ZFP90: variants seen among roughly 807,000 people sequenced by gnomAD.
ZFP90 encodes the protein zinc finger protein 90 homolog.
A neutral mutation model predicts 60.8 loss-of-function variants in ZFP90; 38 were observed. The observed-to-expected ratio is 0.62, with a 90% CI of 0.48 to 0.82. The LOEUF (loss-of-function observed/expected upper bound fraction) is 0.82, where lower values mean the gene tolerates loss of function less well. Among genes scored for constraint, ZFP90 ranks in the 40% least tolerant of loss-of-function variants. The probability of loss-of-function intolerance (pLI) is 0.00; values close to 1 mark genes in which losing one functional copy is unlikely to be tolerated. For synonymous variants in ZFP90, 287 were observed against 264.8 expected (o/e 1.08, Z -0.82); for missense variants, 711 against 759.1 (o/e 0.94, Z 0.74).
chr16:68,534,617 T>A (rs894445850), upstream of ZFP90, among the ~76,000 whole-genome samples: 1 of 151,776 alleles, frequency 6.6e-6, no homozygotes, highest in Non-Finnish European at 1.5e-5. Context: ...TAAAATAAAT[T>A]TTTGACAGCC....
chr16:68,552,493 A>G (rs2091278945), intron 2 of ZFP90, among the ~76,000 whole-genome samples: 1 of 152,142 alleles, frequency 6.6e-6, no homozygotes, highest in Non-Finnish European at 1.5e-5. Flanking sequence ...GCCCCAGAGG[A>G]GAGAACTTGA....
At position 68,564,595 on chromosome 16, in the gene ZFP90, A is replaced by T; in HGVS notation, c.1808A>T (p.His603Leu). The change falls in exon 5 of 5, where the codon CAT becomes CTT. Residue 603 changes from histidine (H) to leucine (L), a missense_variant. By Grantham distance (99) the His-to-Leu change is moderately conservative. This residue lies in a region of ZFP90 where 295 missense variants were observed against 274.0 expected (regional missense o/e 1.08). Coordinates refer to ENST00000563169, the MANE Select transcript of ZFP90 (RefSeq NM_001305203.2). ...AACCTGCATGATCATCAGAGAATTC[A>T]TACTGGAGAAAAACCCTATTCTTGT... is the stretch of plus-strand genomic sequence containing the variant. ...KTNLHDHQRI[H>L]TGEKPYSCKE... 1 of 1,614,144 alleles carries T rather than the reference A, an allele frequency of 6.2e-7. No homozygotes were observed.
upstream of ZFP90, among the ~76,000 whole-genome samples, chr16:68,538,330 C>G (rs1291999055): frequency 6.6e-6 from 1 of 152,174 alleles, no homozygotes; most frequent in Non-Finnish European, 1.5e-5. Flanking sequence ...AGAAATCAAG[C>G]TGAAATCTAG....
In ZFP90 at chr16:68,566,662, A is replaced by T. The variant is rs1281231366; in HGVS notation, c.*1964A>T. 1.0e-6 allele frequency: 1 copy of T among 985,460 alleles called. No homozygotes were observed. Among genetic ancestry groups the T allele is most frequent in the African/African-American group, 1.7e-5 (1 of 57,218 alleles). 61.0% of individuals were successfully genotyped at this position (985,460 alleles called of 1,614,324 possible). A position where few individuals can be genotyped will look rare whatever the true frequency, so the allele number is the denominator to read the frequency against. On this transcript the variant is annotated 3_prime_UTR_variant, in exon 5 of 5. Coordinates refer to ENST00000563169, the MANE Select transcript of ZFP90 (RefSeq NM_001305203.2). ...ATGGTGCACCATGATTAGCTCACAC[A>T]CAATGCCAAGGCTGTGCTTCTATTA...
At chr16:68,539,728 G>A in intron 1 of ZFP90, 30 bp from the exon 2 acceptor site, 4 of 1,504,004 alleles carry the variant, frequency 2.7e-6, no homozygotes, top group South Asian at 2.5e-5. Context: ...TGTTGCAGCG[G>A]GGTGAGTGGG....
In ZFP90 at chr16:68,564,245, G is replaced by A. The variant is rs1256306628; in HGVS notation, c.1458G>A (p.Gln486=). ...ATGATTGTGAGCAGGCTTTTAGTCA[G>A]CAAGCTATTTCTCATCCTGGAGAGA... ...NPYDCEQAFS[Q]QAISHPGEKP... is the part of the protein sequence containing the mutation. Residue 486 remains glutamine (Q), a synonymous_variant, in exon 5 of 5, where the codon CAG becomes CAA. Transcript: ENST00000563169. The A allele has an allele frequency of 1.2e-6, 2 of 1,613,854 alleles. No individual in the cohort carries two copies. Among genetic ancestry groups the A allele is most frequent in the Admixed American group, 1.7e-5 (1 of 59,994 alleles).
At position 68,544,014 on chromosome 16, in the gene ZFP90, G is replaced by T. The variant is rs189782099; in HGVS notation, c.33+4189G>T. ...ATTACAGGTGTGCACCACCACGCCC[G>T]GCTAATTTTTTGTATTTTTACTAGA... On this transcript the variant is annotated intron_variant, in intron 2 of 4. Coordinates refer to ENST00000563169, the MANE Select transcript of ZFP90 (RefSeq NM_001305203.2). Among the ~76,000 whole-genome samples, 256 of 151,992 alleles carry T rather than the reference G, an allele frequency of 1.7e-3. 2 individuals carry two copies. Among genetic ancestry groups the T allele is most frequent in the Non-Finnish European group, 4.6e-4 (31 of 67,982 alleles).
chr16:68,534,276 T>TGGA (rs1167243663), intron 2 of ZFP90, among the ~76,000 whole-genome samples: 2 of 144,684 alleles, frequency 1.4e-5, no homozygotes, highest in Non-Finnish European at 3.0e-5. Context: ...TAGCTCAGGC[T>TGGA]GGAGGGCAAT....
At chr16:68,570,419 G>A (rs1339100722), downstream of ZFP90, among the ~76,000 whole-genome samples, 3 of 152,218 alleles carry the variant, frequency 2.0e-5, no homozygotes, top group Non-Finnish European at 4.4e-5. Context: ...CACCCCAAGT[G>A]AGCACTTGTG....
In ZFP90 at chr16:68,565,428, A is replaced by G; in HGVS notation, c.*730A>G. 1.4e-5 allele frequency: 14 copies of G among 985,620 alleles called. No individual in the cohort carries two copies. Among genetic ancestry groups the G allele is most frequent in the Non-Finnish European group, 1.4e-5 (12 of 829,942 alleles). The allele number at this position is 985,620 out of a possible 1,614,324, so 61.1% of individuals were successfully genotyped here. On this transcript the variant is annotated 3_prime_UTR_variant, in exon 5 of 5. Transcript: ENST00000563169. Reference sequence around the variant, plus strand: ...CACTTTGAGAATTCTTAAAAGTATAAGTGGGAGCAAAATGTATGCAAATTT... The same window carrying G: ...CACTTTGAGAATTCTTAAAAGTATAGGTGGGAGCAAAATGTATGCAAATTT...
At position 68,564,648 on chromosome 16, in the gene ZFP90, A is replaced by C. The variant is rs1373482591; in HGVS notation, c.1861A>C (p.Ser621Arg). 1.2e-6 allele frequency: 2 copies of C among 1,613,810 alleles called. No individual in the cohort carries two copies. Among genetic ancestry groups the C allele is most frequent in the Non-Finnish European group, 1.7e-6 (2 of 1,179,960 alleles). The change falls in exon 5 of 5, where the codon AGT (serine) becomes CGT (arginine). Residue 621 changes from serine to arginine, a missense_variant. Physicochemically the swap from Ser to Arg is moderately radical, Grantham distance 110. Coordinates refer to ENST00000563169, the MANE Select transcript of ZFP90 (RefSeq NM_001305203.2). ...GGAATGTGGGAAAAACTTCAGCCGA[A>C]GTTCAGCTCTTACTAAACACCAGAG... ...CKECGKNFSR[S>R]SALTKHQRIH... is the part of the protein sequence containing the mutation.
chr16:68,549,256 A>T (rs2091211185), intron 2 of ZFP90, among the ~76,000 whole-genome samples: 1 of 152,156 alleles, frequency 6.6e-6, no homozygotes, highest in Admixed American at 6.5e-5. Flanking sequence ...TTGATAATGA[A>T]CCACCTGAGG....
rs770266909 is a variant in ZFP90 at position 68,563,177 on chromosome 16, A to G, written c.390A>G (p.Gln130=). ...ATGTTAGCAGCCAGTTAGACAGGCA[A>G]CAGGAAAACTGGAAGAGACATCTGG... ...SWDVSSQLDR[Q]QENWKRHLGS... Residue 130 remains glutamine (Q), a synonymous_variant, in exon 5 of 5, where the codon CAA becomes CAG. Transcript: ENST00000563169. The G allele has an allele frequency of 6.2e-6, 10 of 1,614,168 alleles. No individual in the cohort carries two copies. The Admixed American group carries it at 8.3e-5, about 13-fold the overall frequency.
intron 4 of ZFP90, chr16:68,562,373 A>T (rs1002300237): frequency 6.6e-6 from 1 of 152,324 alleles, no homozygotes; most frequent in African/African-American, 2.4e-5. Context: ...AAAAACAGGG[A>T]CTTAAAGATC....
chr16:68,572,200 A>G (rs1448054789), intron 2 of ZFP90, among the ~76,000 whole-genome samples: 1 of 151,936 alleles, frequency 6.6e-6, no homozygotes, highest in Non-Finnish European at 1.5e-5. Context: ...TCCATTTGGA[A>G]AGGTAGCAGA....
Position 68,566,293 on chromosome 16 carries a change from C to T in ZFP90, c.*1595C>T. ...TTGACCATGCAGACCAATTTGGGCACAACTGGACATTGATTCCTTTTACAC... is the reference window on the plus strand; with the variant it reads ...TTGACCATGCAGACCAATTTGGGCATAACTGGACATTGATTCCTTTTACAC... On this transcript the variant is annotated 3_prime_UTR_variant, in exon 5 of 5. Transcript: ENST00000563169. 1 of 985,578 alleles carries T rather than the reference C, an allele frequency of 1.0e-6. No individual in the cohort carries two copies. Among genetic ancestry groups the T allele is most frequent in the Non-Finnish European group, 1.2e-6 (1 of 829,946 alleles). 61.1% of individuals were successfully genotyped at this position (985,578 alleles called of 1,614,324 possible).
chr16:68,544,785 C>T (rs944299604), intron 2 of ZFP90, among the ~76,000 whole-genome samples: 6 of 150,440 alleles, frequency 4.0e-5, no homozygotes, highest in African/African-American at 1.5e-4. Context: ...GAGGTGGTCT[C>T]TAAGTCTCAG....
Position 68,564,188 on chromosome 16 carries a change from C to T in ZFP90, c.1401C>T (p.Asp467=). Residue 467 remains aspartate, a synonymous_variant, in exon 5 of 5, where the codon GAC becomes GAT. Transcript: ENST00000563169. ...TTAGTCACATTACAGACTTTACTGACCATCAGAGGATCCATACTGCAGAGA... is the reference window on the plus strand; with the variant it reads ...TTAGTCACATTACAGACTTTACTGATCATCAGAGGATCCATACTGCAGAGA... ...EDFSHITDFT[D]HQRIHTAENP... is the part of the protein sequence containing the mutation. The T allele has an allele frequency of 1.9e-6, 3 of 1,614,030 alleles. No homozygotes were observed. Among genetic ancestry groups the T allele is most frequent in the Non-Finnish European group, 2.5e-6 (3 of 1,179,986 alleles).
At chr16:68,554,279 G>T (rs867154265) in intron 2 of ZFP90, among the ~76,000 whole-genome samples, 1 of 151,870 alleles carries the variant, frequency 6.6e-6, no homozygotes, top group Non-Finnish European at 1.5e-5. Flanking sequence ...CCGTCACCAC[G>T]CCTGGCTAAT....
Sources: allele counts gnomAD v4.1 joint callset (sites outside exome capture counted in the v4.1 genomes callset), GRCh38; gene constraint gnomAD v4.1.1; regional missense constraint gnomAD v4.1.1; transcripts MANE v1.5; gene names NCBI Gene and HGNC (gene_info 2026-07-23, HGNC 2026-07-21).